C4orf51: variants seen among roughly 807,000 people sequenced by gnomAD.
The protein encoded by C4orf51 is chromosome 4 open reading frame 51.
Under a neutral mutation model 25.2 loss-of-function variants are expected in C4orf51, and 25 were observed. The observed-to-expected ratio is 0.99, with a 90% confidence interval of 0.72 to 1.39. The LOEUF (loss-of-function observed/expected upper bound fraction) is 1.39, where lower values mean the gene tolerates loss of function less well. Ranked by LOEUF, C4orf51 falls within the 40% of genes most tolerant of loss-of-function variation. C4orf51 has a pLI of 0.00. For missense variants in C4orf51, 252 were observed against 239.6 expected (o/e 1.05, Z -0.34); for synonymous variants, 100 against 84.5 (o/e 1.18, Z -1.01).
intron 1 of C4orf51, among the ~76,000 whole-genome samples, chr4:145,753,140 T>G (rs963532962): frequency 1.4e-5 from 2 of 145,752 alleles, no homozygotes; most frequent in South Asian, 2.3e-4. Context: ...TATGAAGGTT[T>G]TGTGTGTGTG....
At chr4:145,726,135 G>C (rs1732042143) in intron 2 of C4orf51, among the ~76,000 whole-genome samples, 2 of 152,072 alleles carry the variant, frequency 1.3e-5, no homozygotes, top group Admixed American at 1.3e-4. Context: ...AACTTCTACA[G>C]TTTTGTCTTA....
intron 2 of C4orf51, among the ~76,000 whole-genome samples, chr4:145,706,237 G>T (rs75140451): frequency 6.6e-6 from 1 of 152,116 alleles, no homozygotes; most frequent in African/African-American, 2.4e-5. Flanking sequence ...TATACTTGGC[G>T]TGGTTATTTG....
intron 1 of C4orf51, among the ~76,000 whole-genome samples, chr4:145,684,499 G>A (rs754942804): frequency 4.6e-5 from 7 of 151,974 alleles, no homozygotes; most frequent in Non-Finnish European, 8.8e-5. Flanking sequence ...AAATAAAAAA[G>A]ATGTCCCACT....
chr4:145,688,829 T>C (rs910472211), intron 1 of C4orf51, among the ~76,000 whole-genome samples: 12 of 152,338 alleles, frequency 7.9e-5, no homozygotes, highest in African/African-American at 2.9e-4. Flanking sequence ...ACAATGATTC[T>C]AAAATTTATG....
intron 1 of C4orf51, among the ~76,000 whole-genome samples, chr4:145,695,962 G>A (rs1198683931): frequency 6.6e-6 from 1 of 152,186 alleles, no homozygotes; most frequent in Non-Finnish European, 1.5e-5. Context: ...GTTAAATGAT[G>A]AGAACACATG....
chr4:145,773,802 T>C (rs1055958084), downstream of C4orf51, among the ~76,000 whole-genome samples: 1 of 152,154 alleles, frequency 6.6e-6, no homozygotes, highest in Non-Finnish European at 1.5e-5. Flanking sequence ...ACACATGCCA[T>C]GCGTCATTAA....
chr4:145,792,387 G>GA, the C4orf51 span, among the ~76,000 whole-genome samples: 22 of 149,432 alleles, frequency 1.5e-4, no homozygotes, highest in African/African-American at 1.7e-4. Context: ...AAAAAAAAAA[G>GA]AAAAAAAAGA....
At chr4:145,790,579 A>T in the C4orf51 span, among the ~76,000 whole-genome samples, 4 of 152,208 alleles carry the variant, frequency 2.6e-5, no homozygotes, top group African/African-American at 9.6e-5. Context: ...GATATTATTC[A>T]AGTAAGCCTC....
At chr4:145,784,069 G>A in the C4orf51 span, among the ~76,000 whole-genome samples, 3 of 152,102 alleles carry the variant, frequency 2.0e-5, no homozygotes, top group African/African-American at 4.8e-5. Flanking sequence ...TGTAACATGT[G>A]CCTGCTTCCC....
intron 2 of C4orf51, among the ~76,000 whole-genome samples, chr4:145,706,468 A>C (rs948293645): frequency 2.0e-5 from 3 of 152,220 alleles, no homozygotes; most frequent in Admixed American, 6.5e-5. Context: ...TACTCACCAC[A>C]GGCCAGGAAC....
At chr4:145,734,852 TTCACA>T (rs1408777312), downstream of C4orf51, among the ~76,000 whole-genome samples, 5 of 152,134 alleles carry the variant, frequency 3.3e-5, no homozygotes, top group Non-Finnish European at 7.3e-5. Flanking sequence ...TGTGACTCAT[TTCACA>T]AAACCAGAGA....
the C4orf51 span, among the ~76,000 whole-genome samples, chr4:145,783,584 A>G: frequency 6.6e-6 from 1 of 152,208 alleles, no homozygotes; most frequent in Non-Finnish European, 1.5e-5. Flanking sequence ...GTCATTCTCA[A>G]CTTTCCTTAT....
the C4orf51 span, among the ~76,000 whole-genome samples, chr4:145,781,951 C>T: frequency 2.0e-5 from 3 of 152,188 alleles, no homozygotes; most frequent in African/African-American, 7.2e-5. Context: ...ATCATGTACT[C>T]GAGAAGCTGA....
chr4:145,683,046 A>C (rs539701026), intron 1 of C4orf51, among the ~76,000 whole-genome samples: 7 of 152,270 alleles, frequency 4.6e-5, no homozygotes, highest in African/African-American at 1.7e-4. Context: ...ATAAGCTATT[A>C]TAGCAAGATT....
chr4:145,724,355 G>A (rs545753143), intron 2 of C4orf51, among the ~76,000 whole-genome samples: 5 of 152,086 alleles, frequency 3.3e-5, no homozygotes, highest in Non-Finnish European at 5.9e-5. Context: ...CTTGAATTTA[G>A]CTAAGTAATT....
intron 2 of C4orf51, among the ~76,000 whole-genome samples, chr4:145,718,639 A>G (rs1014880456): frequency 6.6e-6 from 1 of 152,180 alleles, no homozygotes; most frequent in African/African-American, 2.4e-5. Context: ...GAATAATCTC[A>G]CTTCTGTTTC....
downstream of C4orf51, among the ~76,000 whole-genome samples, chr4:145,757,220 T>C (rs1734013319): frequency 6.6e-6 from 1 of 152,232 alleles, no homozygotes; most frequent in Non-Finnish European, 1.5e-5. Flanking sequence ...TTTCCACTCA[T>C]TAAAATCTCA....
the C4orf51 span, among the ~76,000 whole-genome samples, chr4:145,790,010 T>A: frequency 6.6e-6 from 1 of 152,210 alleles, no homozygotes; most frequent in Non-Finnish European, 1.5e-5. Context: ...ATTATGTAAA[T>A]TTTAATCATA....
Position 145,726,894 on chromosome 4 carries a change from T to C in C4orf51, c.308-17T>C, listed in dbSNP as rs1381608819. 1.2e-6 allele frequency: 2 copies of C among 1,604,814 alleles called. No homozygotes were observed. The highest frequency in any genetic ancestry group is 1.7e-6 in the Non-Finnish European group (2 of 1,172,566). The stretch of plus-strand genomic sequence containing the variant: ...CTCTGCATTTAATCCTGATTTTCCC[T>C]CTTCATGTGCATGCAGGACTATTCC... On this transcript the variant is annotated splice_polypyrimidine_tract_variant and intron_variant, in intron 2 of 5. Transcript: ENST00000438731.
Sources: gnomAD v4.1 joint callset for allele counts (sites outside exome capture counted in the v4.1 genomes callset) on GRCh38, gnomAD v4.1.1 for gene constraint, MANE v1.5 for transcripts, NCBI Gene and HGNC (gene_info 2026-07-23, HGNC 2026-07-21) for gene names.